The following SCAI variants were observed in gnomAD, a reference collection of about 807,000 sequenced individuals.
SCAI encodes suppressor of cancer cell invasion.
A neutral mutation model predicts 92.2 loss-of-function variants in SCAI; 24 were observed. The ratio of observed to expected loss-of-function variants is 0.26; its 90% CI spans 0.19 to 0.37. The LOEUF (loss-of-function observed/expected upper bound fraction) is 0.37, where lower values mean the gene tolerates loss of function less well. Ranked by LOEUF, SCAI falls within the 10% of genes least tolerant of loss-of-function variation. The pLI is 1.00. For missense variants in SCAI, 450 were observed against 736.2 expected, an observed-to-expected ratio of 0.61 and a Z score of 4.50; for synonymous variants, 261 against 258.6, an observed-to-expected ratio of 1.01 and a Z score of -0.09.
chr9:125,067,444 G>A (rs1297275419), intron 2 of SCAI, among the ~76,000 whole-genome samples: 1 of 152,108 alleles, frequency 6.6e-6, no homozygotes, highest in Non-Finnish European at 1.5e-5. Flanking sequence ...AAGACAGACA[G>A]GAAGGAAGGC....
intron 17 of SCAI, among the ~76,000 whole-genome samples, chr9:124,965,574 G>A (rs753946600): frequency 8.5e-5 from 13 of 152,146 alleles, no homozygotes; most frequent in Non-Finnish European, 1.3e-4. Context: ...CTACATAAAC[G>A]CTACATTTTC....
At chr9:125,101,758 T>C (rs1167344260) in intron 2 of SCAI, among the ~76,000 whole-genome samples, 3 of 152,208 alleles carry the variant, frequency 2.0e-5, no homozygotes, top group East Asian at 3.8e-4. Context: ...GCCAAGAGAC[T>C]GAAGTACATC....
intron 2 of SCAI, among the ~76,000 whole-genome samples, chr9:125,107,418 A>G (rs1158530230): frequency 2.6e-5 from 4 of 151,298 alleles, no homozygotes; most frequent in East Asian, 1.9e-4. Flanking sequence ...AAAAAAAAAA[A>G]AAAAGAAAAA....
chr9:125,083,002 T>G (rs898710442), intron 2 of SCAI, among the ~76,000 whole-genome samples: 1 of 152,140 alleles, frequency 6.6e-6, no homozygotes, highest in African/African-American at 2.4e-5. Context: ...GACATGAGAT[T>G]TGGGAAGGGC....
chr9:125,120,105 T>TA (rs1835129194), intron 2 of SCAI, among the ~76,000 whole-genome samples: 1 of 152,152 alleles, frequency 6.6e-6, no homozygotes, highest in African/African-American at 2.4e-5. Flanking sequence ...GCTTCACCAC[T>TA]AGATGGGAGG....
In SCAI at chr9:125,141,620, CA is replaced by C. The variant is rs1835667767; in HGVS notation, c.98+1012del. Among the ~76,000 whole-genome samples, 3 of 152,364 alleles carry C rather than the reference CA, an allele frequency of 2.0e-5. No individual in the cohort carries two copies. The South Asian group carries it at 6.2e-4, about 32-fold the overall frequency. On this transcript the variant is annotated intron_variant, in intron 2 of 17. Transcript: ENST00000336505. Reference sequence around the variant, plus strand: ...GGTTCAACCATTCGAGTTAACTACACAGTGTCCAACGACAAAAGATAAAGCA... The same window carrying C: ...GGTTCAACCATTCGAGTTAACTACACGTGTCCAACGACAAAAGATAAAGCA...
chr9:125,041,294 A>G (rs990028236), intron 3 of SCAI, among the ~76,000 whole-genome samples: 7 of 152,196 alleles, frequency 4.6e-5, no homozygotes, highest in African/African-American at 1.7e-4. Flanking sequence ...ATGAGAGGTT[A>G]CATCAGGAAG....
intron 2 of SCAI, among the ~76,000 whole-genome samples, chr9:125,140,690 CAAAAAAAAAA>C (rs35807255): frequency 1.3e-5 from 1 of 76,508 alleles, no homozygotes. Flanking sequence ...CTTGTCTCTA[CAAAAAAAAAA>C]AAAAAAAAAA....
intron 2 of SCAI, among the ~76,000 whole-genome samples, chr9:125,077,279 G>GTAAC (rs1241193894): frequency 6.6e-6 from 1 of 152,202 alleles, no homozygotes; most frequent in African/African-American, 2.4e-5. Flanking sequence ...TCTTTAAGCA[G>GTAAC]TAACTGATTG....
chr9:125,055,994 G>C lies in SCAI; in HGVS notation c.112C>G (p.Leu38Val), dbSNP rs1198202957. The change falls in exon 3 of 18, where the codon CTT becomes GTT. Residue 38 changes from leucine to valine, a missense_variant. Leu to Val is a conservative substitution (Grantham distance 32). This residue lies in a region of SCAI where 70 missense variants were observed against 66.3 expected (regional missense o/e 1.06). Transcript: ENST00000336505. ...RKRRSRTEFA[L>V]KEIMSSGGAE... Reference sequence around the variant, plus strand: ...CCTCCAGAGGACATGATTTCTTTAAGAGCAAATTCAGTCCTGTAAGAAAAC... The same window carrying C: ...CCTCCAGAGGACATGATTTCTTTAACAGCAAATTCAGTCCTGTAAGAAAAC... 1.2e-6 allele frequency: 2 copies of C among 1,607,630 alleles called. No individual in the cohort carries two copies. Among genetic ancestry groups the C allele is most frequent in the Non-Finnish European group, 1.7e-6 (2 of 1,176,630 alleles).
At chr9:124,958,985 C>T (rs1831377982) in intron 17 of SCAI, among the ~76,000 whole-genome samples, 1 of 150,732 alleles carries the variant, frequency 6.6e-6, no homozygotes, top group African/African-American at 2.4e-5. Context: ...TACACAAAAA[C>T]ACAAATCAGA....
At position 125,091,629 on chromosome 9, in the gene SCAI, A is replaced by T. The variant is rs1287813624; in HGVS notation, c.99-35622T>A. 6.6e-6 allele frequency among the ~76,000 whole-genome samples: 1 copy of T among 152,198 alleles called. No individual in the cohort carries two copies. The highest frequency in any genetic ancestry group is 2.1e-4 in the South Asian group (1 of 4,834). The stretch of plus-strand genomic sequence containing the variant: ...TAAATAGGGCTGAAGAAATACACAT[A>T]ATCATGCTGACTGATCTCACTTTCA... On this transcript the variant is annotated intron_variant, in intron 2 of 17. Coordinates refer to ENST00000336505, the MANE Select transcript of SCAI (RefSeq NM_001144877.3). This position sits in a 1 kb window ranked among gnomAD's most constrained non-coding sequence, Gnocchi z 4.3.
At chr9:125,096,208 C>T (rs142715760) in intron 2 of SCAI, among the ~76,000 whole-genome samples, 1 of 152,162 alleles carries the variant, frequency 6.6e-6, no homozygotes, top group Non-Finnish European at 1.5e-5. Flanking sequence ...CAAGTCATGT[C>T]TTACATGGAT....
At position 124,994,440 on chromosome 9, in the gene SCAI, G is replaced by A. The variant is rs147889402; in HGVS notation, c.1326+494C>T. ...TCCCTGTCACTTATTTCAGCATTCA[G>A]GGCCATCTTTTTTTTGTGATTGTCA... is the stretch of plus-strand genomic sequence containing the variant. On this transcript the variant is annotated intron_variant, in intron 14 of 17. Transcript: ENST00000336505. Among the ~76,000 whole-genome samples the A allele has an allele frequency of 4.9e-4, 75 of 152,280 alleles. No homozygotes were observed. The East Asian group carries it at 0.014, about 29-fold the overall frequency.
chr9:124,991,079 G>T (rs1028469534), intron 14 of SCAI, among the ~76,000 whole-genome samples: 5 of 152,138 alleles, frequency 3.3e-5, no homozygotes, highest in Admixed American at 6.6e-5. Flanking sequence ...GTGGCCAGGC[G>T]CAGTGGCTCA....
chr9:124,984,767 A>C (rs1831954911), intron 14 of SCAI, among the ~76,000 whole-genome samples: 1 of 152,178 alleles, frequency 6.6e-6, no homozygotes, highest in Non-Finnish European at 1.5e-5. Flanking sequence ...ATTCAAGTTG[A>C]GTTTGAGAGA....
At chr9:125,126,923 A>G (rs1489184615) in intron 2 of SCAI, among the ~76,000 whole-genome samples, 1 of 152,164 alleles carries the variant, frequency 6.6e-6, no homozygotes, top group African/African-American at 2.4e-5. Context: ...CTTTGCCTCA[A>G]GGGAGGTTTG....
intron 2 of SCAI, among the ~76,000 whole-genome samples, chr9:125,069,606 T>C (rs1033634274): frequency 3.4e-5 from 5 of 147,676 alleles, no homozygotes; most frequent in African/African-American, 5.1e-5. Context: ...GCGTCAGCCA[T>C]TGCACCCGGT....
At chr9:125,002,069 C>G in intron 11 of SCAI, 26 bp from the exon 12 acceptor site, 1 of 1,456,580 alleles carries the variant, frequency 6.9e-7, no homozygotes, top group Non-Finnish European at 9.7e-7. Flanking sequence ...ATCACATACA[C>G]AAAACAACAA....
Sources: gnomAD v4.1 joint callset for allele counts (sites outside exome capture counted in the v4.1 genomes callset) on GRCh38, gnomAD v4.1.1 for gene constraint, gnomAD v4.1.1 regional missense constraint, Gnocchi (gnomAD v3.1) non-coding constraint, MANE v1.5 for transcripts, NCBI Gene and HGNC (gene_info 2026-07-23, HGNC 2026-07-21) for gene names.